DMRT1: variants seen among roughly 807,000 people sequenced by gnomAD.
The protein encoded by DMRT1 is doublesex and mab-3 related transcription factor 1, also known as doublesex- and mab-3-related transcription factor 1.
Under a neutral mutation model 32.3 loss-of-function variants are expected in DMRT1, and 7 were observed. The ratio of observed to expected loss-of-function variants is 0.22; its 90% CI spans 0.12 to 0.41. The LOEUF (loss-of-function observed/expected upper bound fraction) is 0.41, where lower values mean the gene tolerates loss of function less well. Among genes scored for constraint, DMRT1 ranks in the 10% least tolerant of loss-of-function variants. The pLI is 1.00. For synonymous variants in DMRT1, 278 were observed against 206.1 expected (o/e 1.35, Z -2.99); for missense variants, 625 against 500.5 (o/e 1.25, Z -2.37).
At chr9:933,823 G>T (rs778779908) in intron 4 of DMRT1, among the ~76,000 whole-genome samples, 4 of 152,140 alleles carry the variant, frequency 2.6e-5, no homozygotes, top group Non-Finnish European at 5.9e-5. Flanking sequence ...ACAGTGACAG[G>T]AAAGGACATT....
intron 2 of DMRT1, among the ~76,000 whole-genome samples, chr9:852,835 A>T (rs1815219439): frequency 6.6e-6 from 1 of 152,212 alleles, no homozygotes; most frequent in Non-Finnish European, 1.5e-5. Context: ...AGGATCAGTC[A>T]GGTCTGTGTC....
At chr9:956,631 T>C (rs758580408) in intron 4 of DMRT1, among the ~76,000 whole-genome samples, 62 of 151,552 alleles carry the variant, frequency 4.1e-4, no homozygotes, top group Non-Finnish European at 8.0e-4. Context: ...TTTTAAATGA[T>C]GAAATGATAA....
chr9:901,580 G>T (rs1005735767), intron 3 of DMRT1, among the ~76,000 whole-genome samples: 1 of 152,126 alleles, frequency 6.6e-6, no homozygotes, highest in Admixed American at 6.5e-5. Flanking sequence ...GCCTGCCTTG[G>T]CCTCCCAAAG....
At chr9:859,621 A>C (rs995233765) in intron 2 of DMRT1, among the ~76,000 whole-genome samples, 3 of 152,218 alleles carry the variant, frequency 2.0e-5, no homozygotes, top group African/African-American at 4.8e-5. Context: ...ATTCACATAA[A>C]TATTGATTAC....
intron 4 of DMRT1, among the ~76,000 whole-genome samples, chr9:964,075 C>A (rs1424622373): frequency 6.6e-6 from 1 of 152,188 alleles, no homozygotes; most frequent in African/African-American, 2.4e-5. Flanking sequence ...CATGAATATC[C>A]TGTTTTCTCA....
At chr9:946,804 A>G (rs975996340) in intron 4 of DMRT1, among the ~76,000 whole-genome samples, 1 of 152,048 alleles carries the variant, frequency 6.6e-6, no homozygotes, top group Non-Finnish European at 1.5e-5. Context: ...TTGGTAGGAA[A>G]GATTGGGGAA....
intron 4 of DMRT1, among the ~76,000 whole-genome samples, chr9:956,883 G>T (rs1819618970): frequency 6.6e-6 from 1 of 152,220 alleles, no homozygotes. Flanking sequence ...CCTTAAGAAA[G>T]TCTACAATTA....
At chr9:887,658 C>T (rs1816984062) in intron 2 of DMRT1, among the ~76,000 whole-genome samples, 1 of 152,144 alleles carries the variant, frequency 6.6e-6, no homozygotes. Context: ...TGGTATTATT[C>T]TCCTTTTTTT....
chr9:956,584 AC>A (rs1819610757), intron 4 of DMRT1, among the ~76,000 whole-genome samples: 2 of 151,238 alleles, frequency 1.3e-5, no homozygotes, highest in African/African-American at 4.9e-5. Context: ...AAAACAAAAA[AC>A]AAAAAACCCA....
At chr9:916,140 C>T (rs910337044) in intron 3 of DMRT1, among the ~76,000 whole-genome samples, 2 of 152,176 alleles carry the variant, frequency 1.3e-5, no homozygotes, top group South Asian at 2.1e-4. Flanking sequence ...AACTTGCGCC[C>T]GTTCAAACAA....
chr9:916,630 C>T, intron 3 of DMRT1, 133 bp from the exon 4 acceptor site: 1 of 1,115,336 alleles, frequency 9.0e-7, no homozygotes, highest in Non-Finnish European at 1.3e-6. Flanking sequence ...CCCTGGCCTC[C>T]CAAGGTGTCG....
At chr9:905,180 T>TC (rs549549461) in intron 3 of DMRT1, among the ~76,000 whole-genome samples, 58 of 152,066 alleles carry the variant, frequency 3.8e-4, no homozygotes, top group Non-Finnish European at 6.5e-4. Context: ...CCTTACTGCC[T>TC]CCCCCCAGGA....
chr9:851,136 C>T lies in DMRT1; in HGVS notation c.538+3993C>T, dbSNP rs1839132603. ...GTTGTCATGGAATAGTAAAACCTAC[C>T]AACCTGGCACACCTTGGGGCAAGTT... On this transcript the variant is annotated intron_variant, in intron 2 of 4. Coordinates refer to ENST00000382276, the MANE Select transcript of DMRT1 (RefSeq NM_021951.3). Among the ~76,000 whole-genome samples, 4 of 152,012 alleles carry T rather than the reference C, an allele frequency of 2.6e-5. No homozygotes were observed. The South Asian group carries it at 8.3e-4, about 32-fold the overall frequency.
chr9:858,870 A>AAAAAAAAAATAT (rs1815525305), intron 2 of DMRT1, among the ~76,000 whole-genome samples: 1 of 48,076 alleles, frequency 2.1e-5, no homozygotes, highest in African/African-American at 8.3e-5. Context: ...AAAAAAAAAA[A>AAAAAAAAAATAT]ATATATATAT....
At position 842,226 on chromosome 9, in the gene DMRT1, C is replaced by A. The variant is rs535563425; in HGVS notation, c.354+34C>A. 340 of 1,312,770 alleles carry A rather than the reference C, an allele frequency of 2.6e-4. 1 individual carries two copies. The East Asian group carries it at 7.3e-3, about 28-fold the overall frequency. The allele number at this position is 1,312,770 out of a possible 1,614,324, so 81.3% of individuals were successfully genotyped here. On this transcript the variant is annotated intron_variant, in intron 1 of 4. Coordinates refer to ENST00000382276, the MANE Select transcript of DMRT1 (RefSeq NM_021951.3). ...GGGCGTGCGGGAGCCCGGGTTCAGC[C>A]TTAGTTTTTTTTTTTTTTTTTTTTT... is the stretch of plus-strand genomic sequence containing the variant.
intron 2 of DMRT1, among the ~76,000 whole-genome samples, chr9:853,184 C>G (rs1029082015): frequency 6.6e-6 from 1 of 152,100 alleles, no homozygotes; most frequent in African/African-American, 2.4e-5. Flanking sequence ...GAGCCTCTCC[C>G]ACATTACCAG....
At chr9:901,974 G>A (rs561511193) in intron 3 of DMRT1, among the ~76,000 whole-genome samples, 1 of 143,002 alleles carries the variant, frequency 7.0e-6, no homozygotes, top group South Asian at 2.2e-4. Context: ...GTGCAGTGAT[G>A]CGATCTCAGC....
rs537112576 is a variant in DMRT1, at chr9:865,804, T to A, written c.538+18661T>A. 1.5e-4 allele frequency among the ~76,000 whole-genome samples: 23 copies of A among 152,292 alleles called. No individual in the cohort carries two copies. In the East Asian group the frequency reaches 2.7e-3, roughly 18 times the overall value. ...AATATTTCCCCTTCTTTTCATGACC[T>A]TCTTTTTCTGTTTTGTTGACTTCGC... On this transcript the variant is annotated intron_variant, in intron 2 of 4. Transcript: ENST00000382276.
At chr9:928,045 T>A (rs1161582024) in intron 4 of DMRT1, among the ~76,000 whole-genome samples, 1 of 152,192 alleles carries the variant, frequency 6.6e-6, no homozygotes, top group Non-Finnish European at 1.5e-5. Context: ...TTATTATTTC[T>A]TTTAGTGGGT....
Sources: gnomAD v4.1 joint callset for allele counts (sites outside exome capture counted in the v4.1 genomes callset) on GRCh38, gnomAD v4.1.1 for gene constraint, MANE v1.5 for transcripts, NCBI Gene and HGNC (gene_info 2026-07-23, HGNC 2026-07-21) for gene names.